Variants in NCR1 observed in about 807,000 individuals in gnomAD.
NCR1 encodes the protein NK cell-activating receptor.
A neutral mutation model predicts 32.5 loss-of-function variants in NCR1; 30 were observed. The ratio of observed to expected loss-of-function variants is 0.92; its 90% confidence interval spans 0.69 to 1.25. The LOEUF (loss-of-function observed/expected upper bound fraction) is 1.25, where lower values mean the gene tolerates loss of function less well. Among genes scored for constraint, NCR1 ranks in the 50% most tolerant of loss-of-function variants. The probability of loss-of-function intolerance (pLI) is 0.00; values close to 1 mark genes in which losing one functional copy is unlikely to be tolerated. For synonymous variants in NCR1, 169 were observed against 143.4 expected, an observed-to-expected ratio of 1.18 and a Z score of -1.28; for missense variants, 369 against 380.7, an observed-to-expected ratio of 0.97 and a Z score of 0.26.
the NCR1 span, chr19:54,934,657 A>C: frequency 2.5e-6 from 4 of 1,612,540 alleles, no homozygotes; most frequent in Non-Finnish European, 3.4e-6. This position sits in a 1 kb window ranked among gnomAD's most constrained non-coding sequence, Gnocchi z 6.7. Flanking sequence ...GTGACCTCCC[A>C]ACCTGTGAAA....
chr19:54,916,073 G>A (rs1427508539), downstream of NCR1: 2 of 150,460 alleles, frequency 1.3e-5, no homozygotes, highest in Admixed American at 1.3e-4. Flanking sequence ...TCATTTCGCA[G>A]AGGTCCGCCT....
At chr19:54,903,433 C>A (rs587774104), upstream of NCR1, among the ~76,000 whole-genome samples, 1 of 124,142 alleles carries the variant, frequency 8.1e-6, no homozygotes, top group South Asian at 2.5e-4. Flanking sequence ...TATGTATACA[C>A]GCATACATGT....
downstream of NCR1, among the ~76,000 whole-genome samples, chr19:54,913,939 G>A (rs944147540): frequency 1.3e-5 from 2 of 151,944 alleles, no homozygotes; most frequent in African/African-American, 4.8e-5. Context: ...ATGGTGGCGT[G>A]TGCTTGTAAT....
downstream of NCR1, among the ~76,000 whole-genome samples, chr19:54,917,027 A>C (rs1274715963): frequency 1.3e-5 from 2 of 151,630 alleles, no homozygotes; most frequent in Non-Finnish European, 2.9e-5. Flanking sequence ...ACATGCAGTG[A>C]CCCTTTTCAG....
chr19:54,921,916 A>T, the NCR1 span, among the ~76,000 whole-genome samples: 4 of 149,154 alleles, frequency 2.7e-5, no homozygotes, highest in Non-Finnish European at 5.9e-5. Flanking sequence ...TTTTTTCGAG[A>T]CAAGAGTTTT....
At chr19:54,935,475 C>CACTTGAGG in the NCR1 span, among the ~76,000 whole-genome samples, 2 of 152,086 alleles carry the variant, frequency 1.3e-5, no homozygotes, top group African/African-American at 4.8e-5. Flanking sequence ...ACAGGCGGAT[C>CACTTGAGG]ACTTGAGGTC....
At chr19:54,928,646 A>G in the NCR1 span, among the ~76,000 whole-genome samples, 2 of 152,124 alleles carry the variant, frequency 1.3e-5, no homozygotes, top group African/African-American at 4.8e-5. Context: ...TGATATGAGG[A>G]AAGAAACTGA....
upstream of NCR1, among the ~76,000 whole-genome samples, chr19:54,901,996 A>T (rs2067309828): frequency 1.3e-5 from 2 of 152,362 alleles, no homozygotes; most frequent in South Asian, 4.1e-4. Context: ...CAATTAAATA[A>T]ATTGTGTAAT....
intron 3 of NCR1, among the ~76,000 whole-genome samples, chr19:54,908,830 A>G (rs1481078032): frequency 1.3e-5 from 2 of 151,744 alleles, no homozygotes; most frequent in African/African-American, 4.8e-5. Flanking sequence ...GGGTTTCACC[A>G]TGTTGACCAG....
the NCR1 span, among the ~76,000 whole-genome samples, chr19:54,921,849 C>T: frequency 1.3e-5 from 2 of 150,792 alleles, no homozygotes; most frequent in African/African-American, 4.9e-5. Context: ...GCCATATGCC[C>T]GTGTTTTTGT....
the NCR1 span, chr19:54,930,797 C>T: frequency 1.6e-5 from 12 of 757,738 alleles, no homozygotes; most frequent in Non-Finnish European, 2.5e-5. Flanking sequence ...CTCACTGCAA[C>T]CTCTGCCTCC....
chr19:54,906,335 G>GT lies in NCR1; in HGVS notation c.70+2dup, dbSNP rs759511376. On this transcript the variant is annotated splice_donor_variant, in intron 2 of 6. Coordinates refer to ENST00000291890, the MANE Select transcript of NCR1 (RefSeq NM_004829.7). LOFTEE classifies it high-confidence loss of function. ...AGTCAGAGGATCAGCGCCCAGCAGC[G>GT]TGAGTCCTTCCTTCAAAGCCCAGGG... The GT allele has an allele frequency of 6.2e-7, 1 of 1,613,518 alleles. No homozygotes were observed. The highest frequency in any genetic ancestry group is 1.1e-5 in the South Asian group (1 of 91,076).
rs750405446 is a variant in NCR1 at position 54,912,202 on chromosome 19, G to A, written c.717G>A (p.Glu239=). The change falls in exon 6 of 7, where the codon GAG becomes GAA. Residue 239 remains glutamate (E), a synonymous_variant. Coordinates refer to ENST00000291890, the MANE Select transcript of NCR1 (RefSeq NM_004829.7). ...DTWGTYLLTT[E]TGLQKDHALW... ...GGGGCACCTACCTTTTAACCACAGAGACGGGACTCCAGAAAGGTAAGTAGA... is the reference window on the plus strand; with the variant it reads ...GGGGCACCTACCTTTTAACCACAGAAACGGGACTCCAGAAAGGTAAGTAGA... The A allele has an allele frequency of 6.2e-7, 1 of 1,613,964 alleles. No homozygotes were observed. The highest frequency in any genetic ancestry group is 2.2e-5 in the East Asian group (1 of 44,880).
the NCR1 span, among the ~76,000 whole-genome samples, chr19:54,934,211 G>A: frequency 6.6e-6 from 1 of 152,288 alleles, no homozygotes; most frequent in East Asian, 1.9e-4. This position sits in a 1 kb window ranked among gnomAD's most constrained non-coding sequence, Gnocchi z 6.7. Context: ...AACGTGCTGG[G>A]ATTACAGGCA....
rs530398485 is a variant in NCR1 at position 54,912,885 on chromosome 19, GAC to G, written c.*18_*19del. The G allele has an allele frequency of 1.2e-6, 2 of 1,610,304 alleles. No homozygotes were observed. The highest frequency in any genetic ancestry group is 1.1e-5 in the South Asian group (1 of 90,822). On this transcript the variant is annotated 3_prime_UTR_variant, in exon 7 of 7. Transcript: ENST00000291890. ...CAGACTCTTTGAAGAATGACCATGA[GAC>G]ACAGTGGCCATGGGTGGATCTGAAA... is the stretch of plus-strand genomic sequence containing the variant.
At chr19:54,936,506 G>A in the NCR1 span, 1 of 1,286,120 alleles carries the variant, frequency 7.8e-7, no homozygotes, top group Non-Finnish European at 1.1e-6. Context: ...TAAACAAAAA[G>A]CTGTTTCACA....
chr19:54,937,579 G>A, the NCR1 span, among the ~76,000 whole-genome samples: 1 of 150,438 alleles, frequency 6.6e-6, no homozygotes, highest in African/African-American at 2.4e-5. Flanking sequence ...GTGACAGAGT[G>A]AAACTCTGTC....
downstream of NCR1, among the ~76,000 whole-genome samples, chr19:54,918,998 AAGTG>A (rs2068187974): frequency 6.6e-6 from 1 of 151,798 alleles, no homozygotes; most frequent in African/African-American, 2.4e-5. Context: ...AAAAAAAAAA[AAGTG>A]AGAACATATG....
chr19:54,930,218 G>A, the NCR1 span, among the ~76,000 whole-genome samples: 2 of 151,872 alleles, frequency 1.3e-5, no homozygotes, highest in Admixed American at 1.3e-4. Context: ...TGTAATCCTA[G>A]CACATTGGGA....
Sources: allele counts gnomAD v4.1 joint callset (sites outside exome capture counted in the v4.1 genomes callset), GRCh38; gene constraint gnomAD v4.1.1; non-coding constraint Gnocchi (gnomAD v3.1); transcripts MANE v1.5; gene names NCBI Gene and HGNC (gene_info 2026-07-23, HGNC 2026-07-21).